OSBPL1A: variants seen among roughly 807,000 people sequenced by gnomAD.
OSBPL1A encodes the protein oxysterol-binding protein-related protein 1.
Under a neutral mutation model 137.1 loss-of-function variants are expected in OSBPL1A, and 80 were observed. The observed-to-expected ratio is 0.58, with a 90% CI of 0.49 to 0.70. OSBPL1A has a LOEUF of 0.70. Among genes scored for constraint, OSBPL1A ranks in the 30% least tolerant of loss-of-function variants. The pLI, the probability that OSBPL1A is intolerant of heterozygous loss-of-function variation, is 0.00. For synonymous variants in OSBPL1A, 365 were observed against 389.7 expected, an observed-to-expected ratio of 0.94 and a Z score of 0.75; for missense variants, 970 against 1,129.4, an observed-to-expected ratio of 0.86 and a Z score of 2.02.
chr18:24,261,336 TGTG>T (rs1003731420), intron 15 of OSBPL1A, among the ~76,000 whole-genome samples: 9 of 152,194 alleles, frequency 5.9e-5, no homozygotes, highest in South Asian at 2.1e-4. Flanking sequence ...TCTTGATTGT[TGTG>T]GTGACAGTTT....
intron 5 of OSBPL1A, 80 bp from the exon 6 acceptor site, chr18:24,334,410 A>C (rs1489438871): frequency 1.3e-5 from 15 of 1,182,326 alleles, no homozygotes; most frequent in Non-Finnish European, 1.7e-5. Flanking sequence ...AGTGATCATG[A>C]TGAGAAAAAC....
chr18:24,370,817 G>A (rs1037672387), intron 2 of OSBPL1A, among the ~76,000 whole-genome samples: 14 of 152,034 alleles, frequency 9.2e-5, no homozygotes, highest in South Asian at 4.2e-4. Flanking sequence ...ACAGGCATGC[G>A]CCACCACACC....
intron 15 of OSBPL1A, among the ~76,000 whole-genome samples, chr18:24,250,047 G>A (rs1204317229): frequency 6.6e-6 from 1 of 152,156 alleles, no homozygotes; most frequent in African/African-American, 2.4e-5. Context: ...AGAGGACTTT[G>A]TCATGCATCT....
At chr18:24,311,412 A>C (rs1357134003) in intron 13 of OSBPL1A, 12 of 956,728 alleles carry the variant, frequency 1.3e-5, no homozygotes, top group Admixed American at 6.2e-5. Context: ...GTACAGCCAG[A>C]AAATTGATGA....
chr18:24,350,896 G>A (rs1439297015), intron 4 of OSBPL1A, among the ~76,000 whole-genome samples: 1 of 152,114 alleles, frequency 6.6e-6, no homozygotes, highest in East Asian at 1.9e-4. Flanking sequence ...CCAAATGACA[G>A]ACAAATCAAG....
chr18:24,379,561 T>C (rs1354504967), intron 1 of OSBPL1A, among the ~76,000 whole-genome samples: 3 of 145,860 alleles, frequency 2.1e-5, no homozygotes, highest in Admixed American at 7.0e-5. Flanking sequence ...GTCCAGGAGG[T>C]CAAACATTGA....
intron 7 of OSBPL1A, among the ~76,000 whole-genome samples, chr18:24,320,098 G>C (rs2090819878): frequency 6.6e-6 from 1 of 151,936 alleles, no homozygotes; most frequent in Admixed American, 6.6e-5. Context: ...AAAACAAAAA[G>C]GGGGGCTGGG....
chr18:24,243,338 A>G (rs2088774037), intron 15 of OSBPL1A, among the ~76,000 whole-genome samples: 1 of 152,338 alleles, frequency 6.6e-6, no homozygotes, highest in South Asian at 2.1e-4. Context: ...TCTAAAATCA[A>G]CACTGCAAGA....
intron 14 of OSBPL1A, among the ~76,000 whole-genome samples, chr18:24,282,686 T>C (rs979456792): frequency 8.5e-5 from 13 of 152,256 alleles, no homozygotes; most frequent in African/African-American, 3.1e-4. Context: ...TCTGATATTT[T>C]GTTAATTAGA....
At chr18:24,232,358 G>A (rs1253619699) in intron 16 of OSBPL1A, among the ~76,000 whole-genome samples, 2 of 152,204 alleles carry the variant, frequency 1.3e-5, no homozygotes, top group African/African-American at 4.8e-5. Flanking sequence ...ACAAGAGTCG[G>A]AGACATTCTA....
chr18:24,300,086 G>A (rs1162731570), intron 14 of OSBPL1A, among the ~76,000 whole-genome samples: 1 of 152,114 alleles, frequency 6.6e-6, no homozygotes, highest in East Asian at 1.9e-4. Context: ...CCAGGCTTTT[G>A]ATAAAGATAA....
chr18:24,224,384 T>C (rs1003937836), intron 17 of OSBPL1A, among the ~76,000 whole-genome samples: 3 of 152,304 alleles, frequency 2.0e-5, no homozygotes, highest in Non-Finnish European at 2.9e-5. Flanking sequence ...TCACTGATCA[T>C]TTTATAAAAT....
At chr18:24,313,397 C>T (rs1434863957) in intron 12 of OSBPL1A, among the ~76,000 whole-genome samples, 2 of 150,014 alleles carry the variant, frequency 1.3e-5, no homozygotes. Context: ...GCCTAGATCC[C>T]ACCACTGCAC....
intron 17 of OSBPL1A, among the ~76,000 whole-genome samples, chr18:24,203,035 C>T (rs1268312558): frequency 1.3e-5 from 2 of 152,134 alleles, no homozygotes; most frequent in African/African-American, 2.4e-5. Flanking sequence ...TGCAATGCAA[C>T]GGCGCAATCT....
At chr18:24,377,642 AAG>A (rs1177384861) in intron 1 of OSBPL1A, 107 bp from the exon 2 acceptor site, 1 of 1,143,900 alleles carries the variant, frequency 8.7e-7, no homozygotes, top group Non-Finnish European at 1.2e-6. Flanking sequence ...TGCAGCTGAT[AAG>A]ACAGACACAA....
At chr18:24,295,949 G>GA (rs1449371927) in intron 14 of OSBPL1A, among the ~76,000 whole-genome samples, 2 of 151,888 alleles carry the variant, frequency 1.3e-5, no homozygotes, top group Non-Finnish European at 2.9e-5. Flanking sequence ...GATACCTCCA[G>GA]ATTTGTTCTT....
chr18:24,213,193 G>A (rs2145970757), intron 17 of OSBPL1A, among the ~76,000 whole-genome samples: 1 of 152,282 alleles, frequency 6.6e-6, no homozygotes, highest in East Asian at 1.9e-4. Flanking sequence ...TCAGACAAGA[G>A]CTCTAAGGCT....
At chr18:24,276,192 A>C (rs1428910263) in intron 15 of OSBPL1A, among the ~76,000 whole-genome samples, 1 of 152,224 alleles carries the variant, frequency 6.6e-6, no homozygotes, top group Non-Finnish European at 1.5e-5. Flanking sequence ...GATAGTACAC[A>C]AAATGAGGAG....
chr18:24,170,394 G>C lies in OSBPL1A; in HGVS notation c.2351C>G (p.Pro784Arg). ...TTTTTTGTAAGCGTCAAACGTGGCA[G>C]GGTCAACACTGTATAAACATTCAGT... is the stretch of plus-strand genomic sequence containing the variant. The part of the protein sequence containing the change: ...KWTECLYSVD[P>R]ATFDAYKKND... The change falls in exon 24 of 28, where the codon CCT becomes CGT. Residue 784 changes from proline to arginine, a missense_variant. Physicochemically the swap from Pro to Arg is moderately radical, Grantham distance 103. Around this residue, in one of 2 missense-constraint regions of OSBPL1A, gnomAD observed 323 missense variants for 456.8 expected, o/e 0.71. Coordinates refer to ENST00000319481, the MANE Select transcript of OSBPL1A (RefSeq NM_080597.4). 6.2e-7 allele frequency: 1 copy of C among 1,614,108 alleles called. No homozygotes were observed. The highest frequency in any genetic ancestry group is 8.5e-7 in the Non-Finnish European group (1 of 1,179,994).
Sources: allele counts gnomAD v4.1 joint callset (sites outside exome capture counted in the v4.1 genomes callset), GRCh38; gene constraint gnomAD v4.1.1; regional missense constraint gnomAD v4.1.1; transcripts MANE v1.5; gene names NCBI Gene and HGNC (gene_info 2026-07-23, HGNC 2026-07-21).